The following NKAIN2 variants were observed in gnomAD, a reference collection of about 807,000 sequenced individuals.
The protein encoded by NKAIN2 is sodium/potassium-transporting ATPase subunit beta-1-interacting protein 2.
Under a neutral mutation model 32.6 loss-of-function variants are expected in NKAIN2, and 14 were observed. The observed-to-expected ratio is 0.43, with a 90% CI of 0.28 to 0.67. NKAIN2 has a LOEUF of 0.67. NKAIN2 is among the 30% of genes least tolerant of loss of function. The pLI, the probability that NKAIN2 is intolerant of heterozygous loss-of-function variation, is 0.17. For missense variants in NKAIN2, 198 were observed against 258.3 expected, an observed-to-expected ratio of 0.77 and a Z score of 1.60; for synonymous variants, 80 against 87.2, an observed-to-expected ratio of 0.92 and a Z score of 0.46.
intron 1 of NKAIN2, among the ~76,000 whole-genome samples, chr6:124,200,927 GA>G (rs1355918609): frequency 6.6e-6 from 1 of 151,966 alleles, no homozygotes; most frequent in African/African-American, 2.4e-5. Context: ...CTTGTCATAG[GA>G]AAAAGCCGTC....
At chr6:124,586,936 G>A (rs1426990289) in intron 3 of NKAIN2, among the ~76,000 whole-genome samples, 1 of 152,194 alleles carries the variant, frequency 6.6e-6, no homozygotes, top group Non-Finnish European at 1.5e-5. Context: ...ACTAAAAGGA[G>A]AATGGTCCCA....
chr6:124,596,158 A>G (rs1263399369), intron 3 of NKAIN2, among the ~76,000 whole-genome samples: 1 of 152,186 alleles, frequency 6.6e-6, no homozygotes, highest in East Asian at 1.9e-4. Context: ...TTTACTTAGC[A>G]GGACCTGCAG....
chr6:124,177,846 G>T (rs59988413), intron 1 of NKAIN2, among the ~76,000 whole-genome samples: 1 of 2,352 alleles, frequency 4.3e-4, no homozygotes, highest in African/African-American at 8.8e-4. Context: ...TGCAGTGGCG[G>T]GATCTCGGCT....
At chr6:124,791,507 G>T in intron 5 of NKAIN2, 108 bp downstream of exon 5, 1 of 642,976 alleles carries the variant, frequency 1.6e-6, no homozygotes. Flanking sequence ...CACAGCATTA[G>T]AATGGAAAAT....
chr6:124,251,072 T>A (rs527379410), intron 1 of NKAIN2, among the ~76,000 whole-genome samples: 11 of 152,164 alleles, frequency 7.2e-5, no homozygotes, highest in African/African-American at 2.6e-4. Flanking sequence ...TTGAAATCTA[T>A]TGTTTTAAAA....
intron 1 of NKAIN2, among the ~76,000 whole-genome samples, chr6:124,181,203 T>C (rs1789430273): frequency 6.6e-6 from 1 of 152,134 alleles, no homozygotes; most frequent in Non-Finnish European, 1.5e-5. Flanking sequence ...TGGGGCCTTT[T>C]TAGCAATGGC....
At position 124,052,116 on chromosome 6, in the gene NKAIN2, A is replaced by T. The variant is rs138563848; in HGVS notation, c.55-230889A>T. On this transcript the variant is annotated intron_variant, in intron 1 of 6. Transcript: ENST00000368417. ...GGTATAACACTTTAAATTTTACAGA[A>T]TTTTCACACACGTATTATTTGACCC... 3.3e-3 allele frequency among the ~76,000 whole-genome samples: 506 copies of T among 152,174 alleles called. 2 individuals are homozygous for T. The highest frequency in any genetic ancestry group is 6.8e-3 in the Admixed American group (104 of 15,256).
At chr6:124,235,210 A>G (rs1792686232) in intron 1 of NKAIN2, among the ~76,000 whole-genome samples, 1 of 152,168 alleles carries the variant, frequency 6.6e-6, no homozygotes, top group African/African-American at 2.4e-5. Flanking sequence ...TTTTGGAAAA[A>G]GTACATTTGT....
intron 1 of NKAIN2, among the ~76,000 whole-genome samples, chr6:124,182,323 A>T (rs1005671480): frequency 6.6e-6 from 1 of 152,244 alleles, no homozygotes; most frequent in Admixed American, 6.5e-5. Flanking sequence ...GCCAAACAAT[A>T]TCACTAATTA....
chr6:124,104,260 T>A (rs1048970005), intron 1 of NKAIN2, among the ~76,000 whole-genome samples: 3 of 152,160 alleles, frequency 2.0e-5, no homozygotes, highest in Admixed American at 1.3e-4. Context: ...ATTCAGTATC[T>A]TCATGGAAAA....
At chr6:124,403,080 A>G (rs1773697316) in intron 3 of NKAIN2, among the ~76,000 whole-genome samples, 1 of 138,738 alleles carries the variant, frequency 7.2e-6, no homozygotes, top group South Asian at 2.1e-4. Flanking sequence ...AATTACGTTG[A>G]TTCATTTGTT....
intron 3 of NKAIN2, among the ~76,000 whole-genome samples, chr6:124,573,214 C>G (rs1583459637): frequency 6.6e-6 from 1 of 152,194 alleles, no homozygotes; most frequent in Non-Finnish European, 1.5e-5. Flanking sequence ...TACACAAAAG[C>G]ATGAAGCAGT....
chr6:123,828,003 G>A (rs713121), intron 1 of NKAIN2, among the ~76,000 whole-genome samples: 18,119 of 151,930 alleles, frequency 0.12, 1,828 homozygotes, highest in East Asian at 0.54. Context: ...TGTTTGTCAT[G>A]AAATTTTACT....
At chr6:124,026,291 G>A (rs1258373226) in intron 1 of NKAIN2, among the ~76,000 whole-genome samples, 1 of 152,136 alleles carries the variant, frequency 6.6e-6, no homozygotes, top group Non-Finnish European at 1.5e-5. Flanking sequence ...AATGAGTAAG[G>A]AACATATATT....
intron 3 of NKAIN2, among the ~76,000 whole-genome samples, chr6:124,495,247 T>A (rs1778019520): frequency 6.6e-6 from 1 of 152,144 alleles, no homozygotes; most frequent in South Asian, 2.1e-4. Context: ...GCAGCTTTGA[T>A]TTCTGCAGTT....
chr6:124,182,676 T>C (rs941383601), intron 1 of NKAIN2, among the ~76,000 whole-genome samples: 2 of 152,198 alleles, frequency 1.3e-5, no homozygotes, highest in Admixed American at 1.3e-4. Flanking sequence ...TAGACCTGTC[T>C]ATATCCATAT....
chr6:123,956,785 C>CA (rs1334290490), intron 1 of NKAIN2, among the ~76,000 whole-genome samples: 1 of 152,196 alleles, frequency 6.6e-6, no homozygotes, highest in Non-Finnish European at 1.5e-5. Context: ...GAAAAGGCTA[C>CA]ACCTCAGAAA....
chr6:124,350,483 A>G (rs1338396417), intron 2 of NKAIN2, among the ~76,000 whole-genome samples: 1 of 152,224 alleles, frequency 6.6e-6, no homozygotes, highest in Non-Finnish European at 1.5e-5. Context: ...GATAAATGAG[A>G]GAAAATTAAT....
At chr6:124,137,354 CAT>C (rs1786865894) in intron 1 of NKAIN2, among the ~76,000 whole-genome samples, 1 of 151,952 alleles carries the variant, frequency 6.6e-6, no homozygotes, top group South Asian at 2.1e-4. Context: ...TAAAAGAAAT[CAT>C]AGATGTCCAC....
Sources: gnomAD v4.1 joint callset for allele counts (sites outside exome capture counted in the v4.1 genomes callset) on GRCh38, gnomAD v4.1.1 for gene constraint, MANE v1.5 for transcripts, NCBI Gene and HGNC (gene_info 2026-07-23, HGNC 2026-07-21) for gene names.